Variants in EPHA6 observed in about 807,000 individuals in gnomAD.
The protein encoded by EPHA6 is EPH receptor A6.
EPHA6 carries 50 observed loss-of-function variants against 112.0 expected under a neutral mutation model. The ratio of observed to expected loss-of-function variants is 0.45; its 90% CI spans 0.36 to 0.56. The LOEUF (loss-of-function observed/expected upper bound fraction) is 0.56. Among genes scored for constraint, EPHA6 ranks in the 20% least tolerant of loss-of-function variants. The pLI, the probability that EPHA6 is intolerant of heterozygous loss-of-function variation, is 0.00. For synonymous variants in EPHA6, 529 were observed against 490.7 expected (o/e 1.08, Z -1.03); for missense variants, 1,280 against 1,417.4 (o/e 0.90, Z 1.56).
chr3:97,480,169 A>G (rs2091487897), intron 9 of EPHA6, among the ~76,000 whole-genome samples: 1 of 150,620 alleles, frequency 6.6e-6, no homozygotes, highest in Non-Finnish European at 1.5e-5. Flanking sequence ...AGGAACTTTT[A>G]TTTTTTATTA....
At chr3:97,743,871 T>G (rs2035606703) in intron 16 of EPHA6, among the ~76,000 whole-genome samples, 2 of 151,992 alleles carry the variant, frequency 1.3e-5, no homozygotes, top group Admixed American at 6.6e-5. Context: ...TGGAAAACTT[T>G]GAGGATAAAA....
At chr3:97,657,821 C>T (rs1423714749) in intron 14 of EPHA6, among the ~76,000 whole-genome samples, 2 of 151,748 alleles carry the variant, frequency 1.3e-5, no homozygotes, top group Non-Finnish European at 2.9e-5. Flanking sequence ...GCAAGAATTT[C>T]CAATCTGGAA....
chr3:97,620,039 A>G (rs2093801011), intron 13 of EPHA6, among the ~76,000 whole-genome samples: 1 of 152,118 alleles, frequency 6.6e-6, no homozygotes, highest in African/African-American at 2.4e-5. Flanking sequence ...ACAGTGAGCA[A>G]AATAGCATGG....
intron 2 of EPHA6, among the ~76,000 whole-genome samples, chr3:96,913,210 A>ACACACACC (rs1484631141): frequency 2.6e-5 from 3 of 117,532 alleles, no homozygotes; most frequent in Non-Finnish European, 5.2e-5. Flanking sequence ...ACACACACAC[A>ACACACACC]CACCACACAC....
intron 14 of EPHA6, among the ~76,000 whole-genome samples, chr3:97,719,404 C>A (rs1427706051): frequency 6.6e-6 from 1 of 152,100 alleles, no homozygotes; most frequent in Non-Finnish European, 1.5e-5. Context: ...TCTAGTGGCG[C>A]TAGGGCTGCT....
At chr3:97,272,046 A>G (rs1398770344) in intron 5 of EPHA6, among the ~76,000 whole-genome samples, 1 of 152,202 alleles carries the variant, frequency 6.6e-6, no homozygotes, top group Non-Finnish European at 1.5e-5. Flanking sequence ...ATCCTACATA[A>G]CTACAAATTG....
intron 11 of EPHA6, among the ~76,000 whole-genome samples, chr3:97,557,149 A>G (rs1368924212): frequency 2.0e-5 from 3 of 152,070 alleles, no homozygotes; most frequent in Non-Finnish European, 4.4e-5. Context: ...GTGATTTCAC[A>G]TCACAAAGGT....
intron 3 of EPHA6, 91 bp downstream of exon 3, chr3:96,988,084 A>G (rs1454970239): frequency 3.0e-6 from 3 of 996,170 alleles, no homozygotes; most frequent in Non-Finnish European, 4.3e-6. Context: ...AATTGTGCAT[A>G]TTCATGGGTG....
chr3:97,345,463 T>C (rs912080128), intron 5 of EPHA6, among the ~76,000 whole-genome samples: 15 of 152,138 alleles, frequency 9.9e-5, no homozygotes, highest in African/African-American at 3.4e-4. Context: ...AAGGACTCCA[T>C]AAAAGCATGA....
At chr3:97,695,548 C>A (rs540845801) in intron 14 of EPHA6, among the ~76,000 whole-genome samples, 18 of 152,256 alleles carry the variant, frequency 1.2e-4, no homozygotes, top group African/African-American at 3.4e-4. Context: ...ACAGGTGACA[C>A]TTTATTTATT....
chr3:97,678,878 T>C (rs1249689468), intron 14 of EPHA6, among the ~76,000 whole-genome samples: 5 of 152,182 alleles, frequency 3.3e-5, no homozygotes, highest in Non-Finnish European at 7.4e-5. Context: ...TCTAGATATA[T>C]GTCTTACAAA....
intron 5 of EPHA6, among the ~76,000 whole-genome samples, chr3:97,293,594 T>G (rs572900220): frequency 3.9e-4 from 59 of 152,312 alleles, no homozygotes; most frequent in African/African-American, 1.4e-3. Context: ...TTCCAGGGTT[T>G]TTATGGGCTC....
chr3:97,109,105 G>T (rs1405484346), intron 3 of EPHA6, among the ~76,000 whole-genome samples: 1 of 152,136 alleles, frequency 6.6e-6, no homozygotes, highest in Non-Finnish European at 1.5e-5. Context: ...AATGTAAGAT[G>T]CTTGAGAGAA....
chr3:97,329,127 C>T (rs1477113368), intron 5 of EPHA6, among the ~76,000 whole-genome samples: 2 of 152,066 alleles, frequency 1.3e-5, no homozygotes, highest in African/African-American at 4.8e-5. Context: ...TCATCCATGT[C>T]CCTACAAAGG....
intron 2 of EPHA6, among the ~76,000 whole-genome samples, chr3:96,939,848 A>T (rs2040833475): frequency 6.6e-6 from 1 of 151,960 alleles, no homozygotes. Context: ...TTCTGCCTTC[A>T]TTTTGTTATG....
intron 5 of EPHA6, among the ~76,000 whole-genome samples, chr3:97,350,109 G>A (rs2083732993): frequency 6.6e-6 from 1 of 151,974 alleles, no homozygotes. Context: ...AAAGAGCTTT[G>A]TCTTGCTCCT....
chr3:96,818,698 A>G (rs1012395586), intron 1 of EPHA6, among the ~76,000 whole-genome samples: 9 of 151,974 alleles, frequency 5.9e-5, no homozygotes, highest in Non-Finnish European at 1.0e-4. Flanking sequence ...AAATGGAGAC[A>G]TTGAGGAAAT....
chr3:96,910,228 A>C (rs1014898513), intron 2 of EPHA6, among the ~76,000 whole-genome samples: 1 of 152,002 alleles, frequency 6.6e-6, no homozygotes, highest in Non-Finnish European at 1.5e-5. Context: ...AAAATAATCC[A>C]TCCAATTTCT....
chr3:97,210,560 A>G (rs192946061), intron 3 of EPHA6, among the ~76,000 whole-genome samples: 1 of 152,056 alleles, frequency 6.6e-6, no homozygotes, highest in Non-Finnish European at 1.5e-5. Context: ...AGTGTGATTC[A>G]CTCCATCACT....
Sources: allele counts gnomAD v4.1 joint callset (sites outside exome capture counted in the v4.1 genomes callset), GRCh38; gene constraint gnomAD v4.1.1; transcripts MANE v1.5; gene names NCBI Gene and HGNC (gene_info 2026-07-23, HGNC 2026-07-21).